CATSPERT: variants seen among roughly 807,000 people sequenced by gnomAD.
The protein encoded by CATSPERT is catsper channel auxiliary subunit tau.
the CATSPERT span, among the ~76,000 whole-genome samples, chr2:201,517,186 C>G: frequency 6.6e-6 from 1 of 152,112 alleles, no homozygotes; most frequent in Non-Finnish European, 1.5e-5. Flanking sequence ...TCTTCCCCAC[C>G]TCCCCACCAC....
At chr2:201,517,947 G>A in the CATSPERT span, among the ~76,000 whole-genome samples, 1 of 152,230 alleles carries the variant, frequency 6.6e-6, no homozygotes, top group Non-Finnish European at 1.5e-5. Flanking sequence ...TGATAGCTAT[G>A]TCAGAGGGAA....
the CATSPERT span, among the ~76,000 whole-genome samples, chr2:201,537,696 A>C: frequency 8.5e-5 from 13 of 152,052 alleles, no homozygotes; most frequent in Admixed American, 3.9e-4. Context: ...TCAGATCCAT[A>C]AATACAAGAC....
At chr2:201,590,085 A>C in the CATSPERT span, among the ~76,000 whole-genome samples, 19 of 152,024 alleles carry the variant, frequency 1.2e-4, no homozygotes, top group African/African-American at 4.1e-4. Flanking sequence ...ACTGCACCCA[A>C]TAACTCATCC....
the CATSPERT span, among the ~76,000 whole-genome samples, chr2:201,562,570 T>G: frequency 6.7e-6 from 1 of 148,810 alleles, no homozygotes; most frequent in African/African-American, 2.5e-5. Flanking sequence ...CAGAGGGGGA[T>G]TTGGCAGGGT....
At chr2:201,611,299 A>G in the CATSPERT span, among the ~76,000 whole-genome samples, 2 of 152,230 alleles carry the variant, frequency 1.3e-5, no homozygotes, top group Non-Finnish European at 2.9e-5. Flanking sequence ...TTATGAAACT[A>G]GAAATCAGTA....
chr2:201,541,822 C>T, the CATSPERT span, among the ~76,000 whole-genome samples: 2 of 152,028 alleles, frequency 1.3e-5, no homozygotes, highest in East Asian at 3.9e-4. Flanking sequence ...TCTTGAACTC[C>T]TGACCTCAGG....
chr2:201,563,941 A>G, the CATSPERT span, among the ~76,000 whole-genome samples: 1 of 152,214 alleles, frequency 6.6e-6, no homozygotes, highest in Admixed American at 6.5e-5. Context: ...CAAGGCATTT[A>G]TGCCTTGAGA....
chr2:201,525,428 A>T, the CATSPERT span, among the ~76,000 whole-genome samples: 1 of 152,168 alleles, frequency 6.6e-6, no homozygotes, highest in Non-Finnish European at 1.5e-5. Context: ...AGGATAAAAC[A>T]TACCAAGATC....
chr2:201,608,587 T>C, the CATSPERT span, among the ~76,000 whole-genome samples: 51 of 151,928 alleles, frequency 3.4e-4, no homozygotes, highest in African/African-American at 1.0e-3. Context: ...GAGGCCAAGG[T>C]GGGCAAATCA....
the CATSPERT span, among the ~76,000 whole-genome samples, chr2:201,558,418 G>A: frequency 6.6e-6 from 1 of 152,254 alleles, no homozygotes; most frequent in African/African-American, 2.4e-5. Context: ...GGACAGCACT[G>A]GCATGCAGCA....
At chr2:201,487,648 A>G in the CATSPERT span, 1 of 1,612,516 alleles carries the variant, frequency 6.2e-7, no homozygotes, top group Non-Finnish European at 8.5e-7. Flanking sequence ...GCCGCATTTT[A>G]TGCATTTCAT....
the CATSPERT span, chr2:201,551,163 A>T: frequency 6.6e-6 from 1 of 152,256 alleles, no homozygotes; most frequent in African/African-American, 2.4e-5. Flanking sequence ...ACTCACAGAT[A>T]AGCTGCATAG....
chr2:201,494,018 G>A, the CATSPERT span: 1 of 1,536,174 alleles, frequency 6.5e-7, no homozygotes, highest in South Asian at 1.2e-5. Flanking sequence ...CCTTCTAAAA[G>A]TGAATCTGCA....
the CATSPERT span, among the ~76,000 whole-genome samples, chr2:201,576,707 T>C: frequency 6.6e-6 from 1 of 152,252 alleles, no homozygotes; most frequent in African/African-American, 2.4e-5. Flanking sequence ...TAAGGAGAAC[T>C]GGCTCCTTGG....
the CATSPERT span, chr2:201,575,144 AT>A: frequency 1.5e-6 from 1 of 650,610 alleles, no homozygotes. Flanking sequence ...CATTTCTACT[AT>A]TTCAAACAGT....
chr2:201,612,900 T>C, the CATSPERT span, among the ~76,000 whole-genome samples: 1 of 152,164 alleles, frequency 6.6e-6, no homozygotes, highest in Non-Finnish European at 1.5e-5. Flanking sequence ...ACCAGGACAT[T>C]ATATCCCATG....
chr2:201,516,930 C>CTTTT, the CATSPERT span, among the ~76,000 whole-genome samples: 2 of 135,516 alleles, frequency 1.5e-5, no homozygotes, highest in Non-Finnish European at 1.6e-5. Context: ...AATAGGAAGG[C>CTTTT]TTTTTTTTTT....
the CATSPERT span, chr2:201,534,535 C>T: frequency 1.0e-6 from 1 of 985,146 alleles, no homozygotes; most frequent in Non-Finnish European, 1.2e-6. Context: ...TAAACAAAAT[C>T]CCCAAGTCTT....
chr2:201,491,544 T>C, the CATSPERT span: 2 of 1,536,846 alleles, frequency 1.3e-6, no homozygotes, highest in Non-Finnish European at 1.7e-6. Flanking sequence ...TTCCTTTCAA[T>C]GTCTGACAAT....
Sources: gnomAD v4.1 joint callset for allele counts (sites outside exome capture counted in the v4.1 genomes callset) on GRCh38, gnomAD v4.1.1 for gene constraint, MANE v1.5 for transcripts, NCBI Gene and HGNC (gene_info 2026-07-23, HGNC 2026-07-21) for gene names.